PAK5: variants seen among roughly 807,000 people sequenced by gnomAD.
PAK5 encodes p21 (RAC1) activated kinase 5.
PAK5 carries 16 observed loss-of-function variants against 65.9 expected under a neutral mutation model. The observed-to-expected ratio is 0.24, with a 90% CI of 0.16 to 0.37. The LOEUF (loss-of-function observed/expected upper bound fraction) is 0.37, where lower values mean the gene tolerates loss of function less well. PAK5 is among the 10% of genes least tolerant of loss of function. The pLI is 1.00. For synonymous variants in PAK5, 371 were observed against 354.9 expected (o/e 1.05, Z -0.51); for missense variants, 785 against 903.9 (o/e 0.87, Z 1.69).
intron 2 of PAK5, among the ~76,000 whole-genome samples, chr20:9,656,322 C>A (rs2047267476): frequency 6.6e-6 from 1 of 151,962 alleles, no homozygotes; most frequent in Non-Finnish European, 1.5e-5. Context: ...ATGGTTCAAG[C>A]AGAGTGGCTT....
intron 1 of PAK5, among the ~76,000 whole-genome samples, chr20:9,724,948 C>T (rs1231193760): frequency 2.0e-5 from 3 of 152,088 alleles, no homozygotes; most frequent in African/African-American, 7.2e-5. Flanking sequence ...TGATGGACAT[C>T]CCATTTACCC....
intron 1 of PAK5, among the ~76,000 whole-genome samples, chr20:9,774,168 T>C (rs901995674): frequency 1.3e-5 from 2 of 152,146 alleles, no homozygotes; most frequent in African/African-American, 4.8e-5. Context: ...AACACTTCAT[T>C]CAGTGTGACA....
chr20:9,772,785 C>T (rs572932473), intron 1 of PAK5, among the ~76,000 whole-genome samples: 1 of 152,320 alleles, frequency 6.6e-6, no homozygotes, highest in South Asian at 2.1e-4. Flanking sequence ...CCTCCTATTT[C>T]AAGGCATCCC....
rs1265292749 is a variant in PAK5, at chr20:9,580,879, G to T, written c.256C>A (p.Leu86Ile). ...ACCGAGATGTTGTCAAAATCCTCTA[G>T]CAGGCCGTTGATGGAGGTTTCCTTG... is the stretch of plus-strand genomic sequence containing the variant. ...PCKETSINGL[L>I]EDFDNISVTR... is the part of the protein sequence containing the mutation. Residue 86 changes from leucine (L) to isoleucine (I), a missense_variant, in exon 4 of 10, where the codon CTA becomes ATA. This residue lies in a region of PAK5 where 71 missense variants were observed against 110.2 expected (regional missense o/e 0.64). Transcript: ENST00000353224. 6.2e-7 allele frequency: 1 copy of T among 1,610,590 alleles called. No individual in the cohort carries two copies. Among genetic ancestry groups the T allele is most frequent in the Admixed American group, 1.7e-5 (1 of 59,448 alleles).
At chr20:9,688,872 A>G (rs2123426333) in intron 2 of PAK5, among the ~76,000 whole-genome samples, 1 of 152,294 alleles carries the variant, frequency 6.6e-6, no homozygotes, top group South Asian at 2.1e-4. Flanking sequence ...AGTCCTACTC[A>G]GTGATGATTC....
intron 2 of PAK5, among the ~76,000 whole-genome samples, chr20:9,659,394 T>C (rs974860836): frequency 5.9e-5 from 9 of 152,194 alleles, no homozygotes; most frequent in African/African-American, 1.9e-4. Flanking sequence ...GGTCATATGC[T>C]AGCACCACCT....
chr20:9,730,302 T>C (rs1351169940), intron 1 of PAK5, among the ~76,000 whole-genome samples: 3 of 152,126 alleles, frequency 2.0e-5, no homozygotes, highest in Non-Finnish European at 4.4e-5. Flanking sequence ...TTGATGTTTT[T>C]ATATTTACTA....
At chr20:9,798,196 G>T (rs929904520) in intron 1 of PAK5, among the ~76,000 whole-genome samples, 1 of 152,118 alleles carries the variant, frequency 6.6e-6, no homozygotes, top group African/African-American at 2.4e-5. Context: ...ATTCTTAGGA[G>T]AAGTTTGACT....
chr20:9,655,473 C>A (rs1007050103), intron 2 of PAK5, among the ~76,000 whole-genome samples: 3 of 151,764 alleles, frequency 2.0e-5, no homozygotes, highest in African/African-American at 7.3e-5. Context: ...AAAAAGCAAA[C>A]CTTGGCTATC....
chr20:9,721,566 T>A (rs1424170875), intron 1 of PAK5, among the ~76,000 whole-genome samples: 2 of 137,856 alleles, frequency 1.5e-5, no homozygotes, highest in African/African-American at 2.8e-5. Flanking sequence ...GGCAGGAAAA[T>A]CGCTTGAACC....
chr20:9,563,076 G>A (rs1368941740), intron 5 of PAK5, 52 bp from the exon 6 acceptor site: 6 of 1,552,228 alleles, frequency 3.9e-6, no homozygotes, highest in Non-Finnish European at 5.3e-6. Context: ...GTTGCTTTTT[G>A]TTCTCTTGTG....
intron 2 of PAK5, among the ~76,000 whole-genome samples, chr20:9,690,332 ATT>A (rs1378186594): frequency 6.6e-6 from 1 of 152,200 alleles, no homozygotes; most frequent in Non-Finnish European, 1.5e-5. Context: ...GAAAATCAGC[ATT>A]GGTCTGGTAT....
chr20:9,590,815 C>T (rs1293328030), intron 3 of PAK5, among the ~76,000 whole-genome samples: 1 of 150,890 alleles, frequency 6.6e-6, no homozygotes, highest in Admixed American at 6.6e-5. Context: ...GAATAAGCAA[C>T]CCAAATAAAC....
chr20:9,712,211 A>G (rs1871917208), intron 1 of PAK5, among the ~76,000 whole-genome samples: 1 of 152,210 alleles, frequency 6.6e-6, no homozygotes, highest in Non-Finnish European at 1.5e-5. Flanking sequence ...GTGAATCTGT[A>G]AATATAAAAT....
chr20:9,802,193 T>C (rs1018977363), intron 1 of PAK5, among the ~76,000 whole-genome samples: 1 of 152,116 alleles, frequency 6.6e-6, no homozygotes, highest in Non-Finnish European at 1.5e-5. Context: ...TGGGATCTCA[T>C]GGAGTCCCAT....
intron 2 of PAK5, among the ~76,000 whole-genome samples, chr20:9,663,383 G>A (rs1226983908): frequency 6.6e-6 from 1 of 152,140 alleles, no homozygotes; most frequent in Admixed American, 6.6e-5. Context: ...GGTATTTAAT[G>A]TGAAGTTTCT....
chr20:9,725,973 G>C (rs1156753845), intron 1 of PAK5, among the ~76,000 whole-genome samples: 1 of 152,008 alleles, frequency 6.6e-6, no homozygotes. Context: ...CTAGAGGAAA[G>C]GCTGTGTTAT....
intron 1 of PAK5, among the ~76,000 whole-genome samples, chr20:9,711,969 T>C (rs1837584786): frequency 2.0e-5 from 3 of 152,224 alleles, no homozygotes; most frequent in African/African-American, 4.8e-5. Flanking sequence ...CTTTGTTTTA[T>C]GTGTGTCACT....
At chr20:9,826,589 G>A (rs545984693) in intron 1 of PAK5, among the ~76,000 whole-genome samples, 13 of 152,210 alleles carry the variant, frequency 8.5e-5, no homozygotes, top group African/African-American at 2.9e-4. Context: ...TTCTATCTCC[G>A]AGAATTCTGC....
Sources: gnomAD v4.1 joint callset for allele counts (sites outside exome capture counted in the v4.1 genomes callset) on GRCh38, gnomAD v4.1.1 for gene constraint, gnomAD v4.1.1 regional missense constraint, MANE v1.5 for transcripts, NCBI Gene and HGNC (gene_info 2026-07-23, HGNC 2026-07-21) for gene names.